The following FZR1 variants were observed in gnomAD, a reference collection of about 807,000 sequenced individuals.
FZR1 encodes fizzy-related protein homolog.
Under a neutral mutation model 63.6 loss-of-function variants are expected in FZR1, and 11 were observed. The ratio of observed to expected loss-of-function variants is 0.17; its 90% CI spans 0.11 to 0.29. The LOEUF (loss-of-function observed/expected upper bound fraction) is 0.29, where lower values mean the gene tolerates loss of function less well. FZR1 is among the 10% of genes least tolerant of loss of function. The pLI is 1.00. For missense variants in FZR1, 440 were observed against 687.5 expected (o/e 0.64, Z 4.03); for synonymous variants, 328 against 297.9 (o/e 1.10, Z -1.04).
intron 1 of FZR1, among the ~76,000 whole-genome samples, chr19:3,519,735 T>TCCCCCAGGAGCCCCTG (rs2083084601): frequency 1.3e-5 from 2 of 152,236 alleles, no homozygotes; most frequent in African/African-American, 4.8e-5. Context: ...CGACGGAGAC[T>TCCCCCAGGAGCCCCTG]CCCCCAGGAG....
rs2083045192 is a variant in FZR1, at chr19:3,514,544, T to A, written c.-35+8070T>A. Among the ~76,000 whole-genome samples the A allele has an allele frequency of 6.6e-6, 1 of 152,096 alleles. No homozygotes were observed. ...ACCCTGGGGGCAGAATCACCCTGGT[T>A]AAGACCCCCTGGGTTATGGGATTCC... On this transcript the variant is annotated intron_variant, in intron 1 of 13. Coordinates refer to ENST00000441788, the MANE Select transcript of FZR1 (RefSeq NM_016263.4). This position sits in a 1 kb window ranked among gnomAD's most constrained non-coding sequence, Gnocchi z 4.2.
rs568941089 is a variant in FZR1, at chr19:3,526,824, C to T, written c.388-156C>T. Among the ~76,000 whole-genome samples the T allele has an allele frequency of 1.2e-4, 18 of 152,288 alleles. 1 individual carries two copies. In the South Asian group the frequency reaches 3.1e-3, roughly 26 times the overall value. On this transcript the variant is annotated intron_variant, in intron 5 of 13. Transcript: ENST00000441788. The surrounding 1 kb of genome is among the most constrained non-coding windows in gnomAD (Gnocchi z 5.4). ...GGAGGGGTGGGGGGTCCGCAGTCCC[C>T]GCCAGGAAGGCGCCTGCCTTTTTAC...
intron 1 of FZR1, among the ~76,000 whole-genome samples, chr19:3,519,909 G>T (rs920461655): frequency 6.6e-6 from 1 of 152,050 alleles, no homozygotes; most frequent in African/African-American, 2.4e-5. Flanking sequence ...TGGGGCTCAG[G>T]ATCTGCATAG....
chr19:3,522,951 T>C lies in FZR1; in HGVS notation c.-34-5T>C, dbSNP rs1225160657. ...CACTCACCTCTCCTGCCCTTCCCGC[T>C]GCAGGCTAACCTTGCCGCGGGCCGA... On this transcript the variant is annotated splice_polypyrimidine_tract_variant and splice_region_variant and intron_variant, in intron 1 of 13. Coordinates refer to ENST00000441788, the MANE Select transcript of FZR1 (RefSeq NM_016263.4). 6.7e-7 allele frequency: 1 copy of C among 1,498,362 alleles called. No homozygotes were observed. Among genetic ancestry groups the C allele is most frequent in the Non-Finnish European group, 9.3e-7 (1 of 1,075,508 alleles). 92.8% of individuals were successfully genotyped at this position (1,498,362 alleles called of 1,614,324 possible).
In FZR1 at chr19:3,530,815, A is replaced by C. The variant is rs1285294692; in HGVS notation, c.678A>C (p.Ser226=). Residue 226 remains serine, a synonymous_variant, in exon 8 of 14, where the codon TCA becomes TCC. Transcript: ENST00000441788. ...TSQVTRLCDL[S]VEGDSVTSVG... is the part of the protein sequence containing the mutation. ...AGGTGACGCGGCTCTGTGACCTCTC[A>C]GTGGAAGGGGACTCAGTGACCTCCG... 2.5e-6 allele frequency: 4 copies of C among 1,613,144 alleles called. No homozygotes were observed. In the Admixed American group the frequency reaches 6.7e-5, roughly 27 times the overall value.
At chr19:3,520,377 G>A (rs930397523) in intron 1 of FZR1, among the ~76,000 whole-genome samples, 4 of 152,214 alleles carry the variant, frequency 2.6e-5, no homozygotes, top group Admixed American at 6.5e-5. Context: ...CTCTGTGGCC[G>A]CGTGGGCCAC....
intron 1 of FZR1, among the ~76,000 whole-genome samples, chr19:3,511,533 AC>A (rs149158083): frequency 0.026 from 3,991 of 151,912 alleles, 166 homozygotes; most frequent in African/African-American, 0.088. Context: ...GGAGACCCTG[AC>A]CCCCATCTCT....
intron 1 of FZR1, among the ~76,000 whole-genome samples, chr19:3,513,698 C>T (rs2083039054): frequency 6.6e-6 from 1 of 152,166 alleles, no homozygotes; most frequent in African/African-American, 2.4e-5. Flanking sequence ...GATGTGGCGG[C>T]ACCCATGAGG....
At chr19:3,529,211 TGGATGGTTGAGC>T (rs1220251692) in intron 7 of FZR1, among the ~76,000 whole-genome samples, 2 of 83,146 alleles carry the variant, frequency 2.4e-5, no homozygotes, top group Non-Finnish European at 4.8e-5. Context: ...GATGAGAGAG[TGGATGGTTGAGC>T]GGATGGGAGA....
rs1427208103 is a variant in FZR1 at position 3,522,777 on chromosome 19, G to A, written c.-34-179G>A. Among the ~76,000 whole-genome samples the A allele has an allele frequency of 2.0e-5, 3 of 152,142 alleles. No homozygotes were observed. The East Asian group carries it at 5.8e-4, about 29-fold the overall frequency. On this transcript the variant is annotated intron_variant, in intron 1 of 13. Transcript: ENST00000441788. ...GGGAGGGTCTGTGGGCAGCAGCCGAGGCCCAGGTTGGGGGAGCCTCACCTA... is the reference window on the plus strand; with the variant it reads ...GGGAGGGTCTGTGGGCAGCAGCCGAAGCCCAGGTTGGGGGAGCCTCACCTA...
intron 10 of FZR1, 31 bp from the exon 11 acceptor site, chr19:3,532,386 C>A: frequency 6.5e-7 from 1 of 1,536,776 alleles, no homozygotes; most frequent in Non-Finnish European, 8.8e-7. Context: ...AGGGCTGGGA[C>A]AGCCCCGGCC....
chr19:3,517,573 A>G (rs1279988964), intron 1 of FZR1, among the ~76,000 whole-genome samples: 8 of 152,052 alleles, frequency 5.3e-5, no homozygotes, highest in Non-Finnish European at 1.2e-4. Flanking sequence ...CTGTAATCCC[A>G]GCTACTTGAG....
At chr19:3,529,202 A>T (rs1177042074) in intron 7 of FZR1, among the ~76,000 whole-genome samples, 5 of 126,774 alleles carry the variant, frequency 3.9e-5, no homozygotes, top group Non-Finnish European at 4.9e-5. Context: ...GGGAGAGCGG[A>T]TGAGAGAGTG....
chr19:3,508,375 A>G (rs1005866082), intron 1 of FZR1, among the ~76,000 whole-genome samples: 1 of 151,750 alleles, frequency 6.6e-6, no homozygotes, highest in Non-Finnish European at 1.5e-5. Context: ...TTGTATTTTA[A>G]GTAGAGACAG....
chr19:3,527,145 C>A, intron 6 of FZR1, 83 bp downstream of exon 6: 1 of 1,116,180 alleles, frequency 9.0e-7, no homozygotes, highest in Non-Finnish European at 1.4e-6. Flanking sequence ...TCCTCCGCAG[C>A]CCTGTCCCTG....
intron 2 of FZR1, among the ~76,000 whole-genome samples, chr19:3,523,418 T>A (rs1176561440): frequency 6.6e-6 from 1 of 152,144 alleles, no homozygotes; most frequent in Non-Finnish European, 1.5e-5. Context: ...GGGCCCTGGC[T>A]TTGTCCTTCC....
At chr19:3,510,926 A>G (rs979834392) in intron 1 of FZR1, among the ~76,000 whole-genome samples, 1 of 152,248 alleles carries the variant, frequency 6.6e-6, no homozygotes, top group Non-Finnish European at 1.5e-5. Flanking sequence ...AAATGTCCGC[A>G]GCGCTGAGGT....
chr19:3,527,506 G>T, intron 6 of FZR1, 125 bp from the exon 7 acceptor site: 1 of 700,606 alleles, frequency 1.4e-6, no homozygotes, highest in Non-Finnish European at 2.4e-6. Context: ...TCACATGGTG[G>T]CGGTGGTGAT....
At position 3,525,691 on chromosome 19, in the gene FZR1, C is replaced by T. The variant is rs1453695890; in HGVS notation, c.70-177C>T. 6.6e-6 allele frequency among the ~76,000 whole-genome samples: 1 copy of T among 152,146 alleles called. No homozygotes were observed. The highest frequency in any genetic ancestry group is 1.5e-5 in the Non-Finnish European group (1 of 68,014). ...TCTCCTGACCTCGTGATCCGCCCGC[C>T]TCGGCCTCCCAAAGTGCTGGGATTA... On this transcript the variant is annotated intron_variant, in intron 2 of 13. Coordinates refer to ENST00000441788, the MANE Select transcript of FZR1 (RefSeq NM_016263.4). The surrounding 1 kb of genome is among the most constrained non-coding windows in gnomAD (Gnocchi z 4.2).
Sources: allele counts gnomAD v4.1 joint callset (sites outside exome capture counted in the v4.1 genomes callset), GRCh38; gene constraint gnomAD v4.1.1; non-coding constraint Gnocchi (gnomAD v3.1); transcripts MANE v1.5; gene names NCBI Gene and HGNC (gene_info 2026-07-23, HGNC 2026-07-21).